The following DDX60 variants were observed in gnomAD, a reference collection of about 807,000 sequenced individuals.
DDX60 encodes the protein DExD/H-box helicase 60, also known as probable ATP-dependent RNA helicase DDX60.
DDX60 carries 165 observed loss-of-function variants against 212.8 expected under a neutral mutation model. The observed-to-expected ratio is 0.78, with a 90% CI of 0.68 to 0.88. The LOEUF (loss-of-function observed/expected upper bound fraction) is 0.88. Ranked by LOEUF, DDX60 falls within the 40% of genes least tolerant of loss-of-function variation. DDX60 has a pLI of 0.00. For synonymous variants in DDX60, 703 were observed against 685.3 expected (o/e 1.03, Z -0.40); for missense variants, 1,905 against 2,003.9 (o/e 0.95, Z 0.94).
chr4:168,280,594 C>A lies in DDX60; in HGVS notation c.1723-4G>T. 1 of 1,596,658 alleles carries A rather than the reference C, an allele frequency of 6.3e-7. No individual in the cohort carries two copies. The highest frequency in any genetic ancestry group is 8.5e-7 in the Non-Finnish European group (1 of 1,174,424). Reference sequence around the variant, plus strand: ...CAATTATTTCAGCCTTGGTCTCCTGCCCCAAAGGAAAAAACATCTCTTAAG... The same window carrying A: ...CAATTATTTCAGCCTTGGTCTCCTGACCCAAAGGAAAAAACATCTCTTAAG... On this transcript the variant is annotated splice_polypyrimidine_tract_variant and splice_region_variant and intron_variant, in intron 13 of 37. Transcript: ENST00000393743.
At chr4:168,322,236 T>C (rs555609384), upstream of DDX60, among the ~76,000 whole-genome samples, 41 of 152,302 alleles carry the variant, frequency 2.7e-4, no homozygotes, top group African/African-American at 9.9e-4. Flanking sequence ...TCAGTTACAA[T>C]CTTCTCCTTC....
rs747504145 is a variant in DDX60, at chr4:168,224,193, T to G, written c.4824+50A>C. ...TTTCTAAGCTGCCTAGCAATATAAA[T>G]CCATTCTTTCTTAAACAGCTTTTAT... is the stretch of plus-strand genomic sequence containing the variant. On this transcript the variant is annotated intron_variant, in intron 35 of 37. Transcript: ENST00000393743. 6 of 1,600,194 alleles carry G rather than the reference T, an allele frequency of 3.7e-6. No homozygotes were observed. The Middle Eastern group carries it at 6.6e-4, about 177-fold the overall frequency.
intron 25 of DDX60, among the ~76,000 whole-genome samples, chr4:168,259,921 T>C (rs1172381105): frequency 6.6e-6 from 1 of 152,012 alleles, no homozygotes; most frequent in Admixed American, 6.6e-5. Flanking sequence ...TGTGTGCATA[T>C]ATATTCAATT....
chr4:168,238,709 G>A (rs1733730288), intron 30 of DDX60, among the ~76,000 whole-genome samples: 13 of 151,982 alleles, frequency 8.6e-5, no homozygotes, highest in Admixed American at 7.2e-4. Context: ...AGGGTTTCAT[G>A]GTGGTTCACT....
intron 25 of DDX60, among the ~76,000 whole-genome samples, chr4:168,257,202 G>A (rs1734448925): frequency 6.6e-6 from 1 of 152,182 alleles, no homozygotes; most frequent in Non-Finnish European, 1.5e-5. Context: ...ATCCCAGCTT[G>A]GGAGACTGAG....
intron 10 of DDX60, 55 bp downstream of exon 10, chr4:168,286,993 A>G (rs1206717557): frequency 2.8e-6 from 4 of 1,420,478 alleles, no homozygotes; most frequent in African/African-American, 2.9e-5. Context: ...GGTGTTTCCT[A>G]AACACTTTCA....
chr4:168,264,619 G>A (rs377274490), intron 22 of DDX60, among the ~76,000 whole-genome samples: 73 of 152,216 alleles, frequency 4.8e-4, no homozygotes, highest in African/African-American at 1.7e-3. Flanking sequence ...TTTCTAAAAT[G>A]GAGGATAATT....
intron 5 of DDX60, among the ~76,000 whole-genome samples, chr4:168,304,895 C>A (rs540170379): frequency 6.6e-6 from 1 of 152,206 alleles, no homozygotes; most frequent in South Asian, 2.1e-4. Flanking sequence ...ATAACATCTA[C>A]AGTGGTGTAC....
rs192706816 is a variant in DDX60, at chr4:168,277,666, G to A, written c.1979-1485C>T. On this transcript the variant is annotated intron_variant, in intron 14 of 37. Coordinates refer to ENST00000393743, the MANE Select transcript of DDX60 (RefSeq NM_017631.6). ...TCCTGGCTAACATGGTGAATTAGCCGGATGCGGTGGTGGGCGCCTGTAGTC... is the reference window on the plus strand; with the variant it reads ...TCCTGGCTAACATGGTGAATTAGCCAGATGCGGTGGTGGGCGCCTGTAGTC... Among the ~76,000 whole-genome samples, 34 of 151,912 alleles carry A rather than the reference G, an allele frequency of 2.2e-4. No homozygotes were observed. The East Asian group carries it at 5.6e-3, about 25-fold the overall frequency.
At chr4:168,289,018 C>T (rs1343976823) in intron 8 of DDX60, among the ~76,000 whole-genome samples, 2 of 152,164 alleles carry the variant, frequency 1.3e-5, no homozygotes, top group Non-Finnish European at 2.9e-5. Context: ...TCAGCTGTTA[C>T]TCCATAGGGC....
Position 168,252,575 on chromosome 4 carries a change from A to G in DDX60, c.3639T>C (p.Cys1213=). 6.2e-7 allele frequency: 1 copy of G among 1,613,976 alleles called. No homozygotes were observed. The highest frequency in any genetic ancestry group is 1.3e-5 in the African/African-American group (1 of 75,054). Residue 1213 remains cysteine (C), a synonymous_variant, in exon 27 of 38, where the codon TGT becomes TGC. Transcript: ENST00000393743. ...HEAEHDNLVK[C]LEKNLEIPQD... is the part of the protein sequence containing the mutation. ...GTGGGATTTCCAGGTTCTTCTCTAG[A>G]CACTTCACTAGATTATCATGTTCAG...
At chr4:168,325,001 C>T in the DDX60 span, among the ~76,000 whole-genome samples, 3 of 152,084 alleles carry the variant, frequency 2.0e-5, no homozygotes, top group Non-Finnish European at 2.9e-5. Flanking sequence ...AAATACACAC[C>T]GAACAGAAAA....
In DDX60 at chr4:168,250,295, A is replaced by G. The variant is rs551225880; in HGVS notation, c.3858+659T>C. Among the ~76,000 whole-genome samples the G allele has an allele frequency of 1.1e-4, 17 of 152,124 alleles. No homozygotes were observed. The South Asian group carries it at 3.1e-3, about 28-fold the overall frequency. ...AGTGGCTAACACCTATAATCCCAGC[A>G]CTTTGGGAGGCTGAGGCAGGCGGAT... On this transcript the variant is annotated intron_variant, in intron 28 of 37. Transcript: ENST00000393743.
At chr4:168,293,277 A>G (rs1256432928) in intron 7 of DDX60, among the ~76,000 whole-genome samples, 1 of 152,234 alleles carries the variant, frequency 6.6e-6, no homozygotes, top group Admixed American at 6.5e-5. Flanking sequence ...ACACTACAGC[A>G]GGAAGGTTCT....
At position 168,217,013 on chromosome 4, in the gene DDX60, A is replaced by G; in HGVS notation, c.5059T>C (p.Cys1687Arg). The change falls in exon 38 of 38, where the codon TGT becomes CGT. Residue 1687 changes from cysteine (C) to arginine (R), a missense_variant. By Grantham distance (180) the Cys-to-Arg change is radical. Transcript: ENST00000393743. ...ACAACGTTGTCGTCTTCATTTTCACATAGCTCACGCAAGGAAACACTGGAA... is the reference window on the plus strand; with the variant it reads ...ACAACGTTGTCGTCTTCATTTTCACGTAGCTCACGCAAGGAAACACTGGAA... Reference protein sequence around the residue: ...KSISVSLRELCENEDDNVVLA... With the variant: ...KSISVSLRELRENEDDNVVLA... 1 of 1,606,224 alleles carries G rather than the reference A, an allele frequency of 6.2e-7. No individual in the cohort carries two copies. The highest frequency in any genetic ancestry group is 1.3e-5 in the African/African-American group (1 of 74,560).
chr4:168,268,216 T>C (rs79085560), intron 20 of DDX60, among the ~76,000 whole-genome samples: 6,102 of 152,236 alleles, frequency 0.04, 261 homozygotes, highest in East Asian at 0.14. Flanking sequence ...AATGGAAATA[T>C]GGTATTCATA....
Position 168,252,520 on chromosome 4 carries a change from C to T in DDX60, c.3694G>A (p.Val1232Met), listed in dbSNP as rs1019684449. 17 of 1,613,554 alleles carry T rather than the reference C, an allele frequency of 1.1e-5. No homozygotes were observed. The highest frequency in any genetic ancestry group is 1.4e-5 in the Non-Finnish European group (17 of 1,179,890). Residue 1232 changes from valine to methionine, a missense_variant, in exon 27 of 38, where the codon GTG becomes ATG. By Grantham distance (21) the Val-to-Met change is conservative. Coordinates refer to ENST00000393743, the MANE Select transcript of DDX60 (RefSeq NM_017631.6). ...TTGTAAGTGCTGACCTCAGTGTCCA[C>T]TGCTTTTTGATCAGCATATGTGCAG... is the stretch of plus-strand genomic sequence containing the variant. Reference protein sequence around the residue: ...QDCTYADQKAVDTETLQKVFG... With the variant: ...QDCTYADQKAMDTETLQKVFG...
chr4:168,258,350 G>A (rs1310636887), intron 25 of DDX60, among the ~76,000 whole-genome samples: 2 of 152,204 alleles, frequency 1.3e-5, no homozygotes, highest in African/African-American at 4.8e-5. Context: ...TGGGGGCAGA[G>A]GTGGGATCCA....
chr4:168,292,698 T>C (rs926814646), intron 7 of DDX60, among the ~76,000 whole-genome samples: 1 of 152,274 alleles, frequency 6.6e-6, no homozygotes, highest in South Asian at 2.1e-4. Context: ...GGTAAAGAAG[T>C]GGACACATCT....
Sources: gnomAD v4.1 joint callset for allele counts (sites outside exome capture counted in the v4.1 genomes callset) on GRCh38, gnomAD v4.1.1 for gene constraint, MANE v1.5 for transcripts, NCBI Gene and HGNC (gene_info 2026-07-23, HGNC 2026-07-21) for gene names.